SVIL: variants seen among roughly 807,000 people sequenced by gnomAD.
SVIL encodes the protein supervillin.
SVIL carries 101 observed loss-of-function variants against 240.4 expected under a neutral mutation model. The observed-to-expected ratio is 0.42, with a 90% confidence interval of 0.36 to 0.50. The LOEUF (loss-of-function observed/expected upper bound fraction) is 0.50, where lower values mean the gene tolerates loss of function less well. Among genes scored for constraint, SVIL ranks in the 20% least tolerant of loss-of-function variants. SVIL has a pLI of 0.01. For synonymous variants in SVIL, 999 were observed against 1,100.0 expected, an observed-to-expected ratio of 0.91 and a Z score of 1.82; for missense variants, 2,512 against 2,818.7, an observed-to-expected ratio of 0.89 and a Z score of 2.46.
At chr10:29,528,844 CATATT>C (rs752444864) in intron 12 of SVIL, among the ~76,000 whole-genome samples, 94 of 152,014 alleles carry the variant, frequency 6.2e-4, no homozygotes, top group Non-Finnish European at 1.1e-3. Context: ...TATATTGAAA[CATATT>C]ATTCAAAACA....
rs2887232 is a variant in SVIL at position 29,606,840 on chromosome 10, T to A, written c.-201+27580A>T. 1.9e-4 allele frequency among the ~76,000 whole-genome samples: 29 copies of A among 152,184 alleles called. No individual in the cohort carries two copies. In the East Asian group the frequency reaches 2.5e-3, roughly 13 times the overall value. ...CAGGATCTCAGCTCATGGCAACCTC[T>A]GCCTCCTGTGTTCAAGCAGTTCTCC... On this transcript the variant is annotated intron_variant, in intron 1 of 37. Coordinates refer to ENST00000355867, the MANE Select transcript of SVIL (RefSeq NM_021738.3).
chr10:29,728,279 A>T (rs140918000), intron 1 of SVIL, among the ~76,000 whole-genome samples: 1 of 152,358 alleles, frequency 6.6e-6, no homozygotes, highest in East Asian at 1.9e-4. Context: ...GTTATCCAAA[A>T]CAAGCTTATG....
chr10:29,592,301 C>T (rs1956421547), intron 1 of SVIL, among the ~76,000 whole-genome samples: 1 of 152,148 alleles, frequency 6.6e-6, no homozygotes, highest in African/African-American at 2.4e-5. Context: ...AATGTCACTG[C>T]TTTTAAGCAT....
At chr10:29,691,736 G>A (rs1484150020) in intron 1 of SVIL, among the ~76,000 whole-genome samples, 2 of 152,074 alleles carry the variant, frequency 1.3e-5, no homozygotes, top group Non-Finnish European at 1.5e-5. Context: ...GGTTTCCAAG[G>A]ACAACAAACC....
intron 6 of SVIL, among the ~76,000 whole-genome samples, chr10:29,549,175 A>AAC (rs1295909737): frequency 2.8e-4 from 37 of 130,084 alleles, no homozygotes; most frequent in Admixed American, 1.9e-3. Flanking sequence ...TACAAAAAAA[A>AAC]AAACAAACAA....
intron 29 of SVIL, among the ~76,000 whole-genome samples, chr10:29,477,668 G>A (rs1488131731): frequency 6.6e-6 from 1 of 152,260 alleles, no homozygotes; most frequent in African/African-American, 2.4e-5. Flanking sequence ...GTGACTGCAA[G>A]TGCCATCGGG....
chr10:29,518,053 T>C (rs530349723), intron 16 of SVIL, among the ~76,000 whole-genome samples: 1 of 152,316 alleles, frequency 6.6e-6, no homozygotes, highest in South Asian at 2.1e-4. Context: ...TTGCTGGTTA[T>C]GGTTCAAATT....
intron 2 of SVIL, among the ~76,000 whole-genome samples, chr10:29,681,587 A>T (rs1372118689): frequency 6.6e-6 from 1 of 152,166 alleles, no homozygotes; most frequent in Non-Finnish European, 1.5e-5. Context: ...TGCAACTAAA[A>T]TTTCCTTTCC....
At chr10:29,650,649 CA>C (rs1466717640) in intron 3 of SVIL, among the ~76,000 whole-genome samples, 1 of 151,416 alleles carries the variant, frequency 6.6e-6, no homozygotes, top group Non-Finnish European at 1.5e-5. Flanking sequence ...ACTTTCACTA[CA>C]AAAAAAAGCC....
chr10:29,646,710 G>A (rs1958668574), intron 3 of SVIL, among the ~76,000 whole-genome samples: 1 of 152,154 alleles, frequency 6.6e-6, no homozygotes, highest in South Asian at 2.1e-4. Context: ...CTGACAAAGA[G>A]CAAAGTGATT....
In SVIL at chr10:29,550,856, C is replaced by T. The variant is rs187923660; in HGVS notation, c.568G>A (p.Gly190Ser). Residue 190 changes from glycine to serine, a missense_variant, in exon 6 of 38, where the codon GGT becomes AGT. Around this residue, in one of 3 missense-constraint regions of SVIL, gnomAD observed 1,443 missense variants for 1,486.6 expected, o/e 0.97. Coordinates refer to ENST00000355867, the MANE Select transcript of SVIL (RefSeq NM_021738.3). Reference sequence around the variant, plus strand: ...ACCTCCGGGTCGGAAGAGCCGTCACCCACATGGAGGGCATAGTCCTTGGAT... The same window carrying T: ...ACCTCCGGGTCGGAAGAGCCGTCACTCACATGGAGGGCATAGTCCTTGGAT... ...GESKDYALHV[G>S]DGSSDPEVLL... 35 of 1,613,942 alleles carry T rather than the reference C, an allele frequency of 2.2e-5. No homozygotes were observed. Among genetic ancestry groups the T allele is most frequent in the Non-Finnish European group, 2.9e-5 (34 of 1,180,022 alleles).
chr10:29,697,871 C>T (rs1456089625), intron 1 of SVIL: 1 of 403,918 alleles, frequency 2.5e-6, no homozygotes, highest in Non-Finnish European at 4.3e-6. Flanking sequence ...ATGATCAATT[C>T]TTATGTATCG....
rs1255525491 is a variant in SVIL, at chr10:29,576,474, T to G, written c.-200-7162A>C. On this transcript the variant is annotated intron_variant, in intron 1 of 37. Transcript: ENST00000355867. ...ATGTTTGTGGTTTATTGATGATGACTCAGAACATAAAGACTATGGCATTAT... is the reference window on the plus strand; with the variant it reads ...ATGTTTGTGGTTTATTGATGATGACGCAGAACATAAAGACTATGGCATTAT... Among the ~76,000 whole-genome samples the G allele has an allele frequency of 2.3e-4, 35 of 152,316 alleles. 1 individual carries two copies. The highest frequency in any genetic ancestry group is 2.2e-3 in the Admixed American group (34 of 15,294).
At chr10:29,671,601 T>TAC (rs1250539110) in intron 2 of SVIL, among the ~76,000 whole-genome samples, 1 of 152,232 alleles carries the variant, frequency 6.6e-6, no homozygotes, top group Non-Finnish European at 1.5e-5. Context: ...CCTTCCTTGC[T>TAC]ACACTAACCA....
At chr10:29,691,177 T>C (rs1227400573) in intron 1 of SVIL, among the ~76,000 whole-genome samples, 1 of 152,016 alleles carries the variant, frequency 6.6e-6, no homozygotes, top group Non-Finnish European at 1.5e-5. Flanking sequence ...AAATGACCAA[T>C]AATGAACAAT....
At chr10:29,468,087 G>A (rs894602899) in intron 32 of SVIL, among the ~76,000 whole-genome samples, 5 of 152,052 alleles carry the variant, frequency 3.3e-5, no homozygotes, top group Admixed American at 2.0e-4. Flanking sequence ...TTCATCTCCC[G>A]GAAGAAGAAG....
At chr10:29,685,273 A>G (rs1050037763) in intron 2 of SVIL, among the ~76,000 whole-genome samples, 43 of 152,218 alleles carry the variant, frequency 2.8e-4, no homozygotes, top group African/African-American at 1.0e-3. Flanking sequence ...ATGTCTGTGT[A>G]GTATTCCATA....
At chr10:29,558,944 TATA>T (rs1954195054) in intron 3 of SVIL, among the ~76,000 whole-genome samples, 1 of 148,094 alleles carries the variant, frequency 6.8e-6, no homozygotes. Context: ...TATATATATA[TATA>T]AAAAATATGG....
At chr10:29,651,830 A>G (rs927500886) in intron 3 of SVIL, among the ~76,000 whole-genome samples, 1 of 152,150 alleles carries the variant, frequency 6.6e-6, no homozygotes, top group African/African-American at 2.4e-5. Context: ...GGCCCTCTCC[A>G]TAAAACAAAA....
Sources: gnomAD v4.1 joint callset for allele counts (sites outside exome capture counted in the v4.1 genomes callset) on GRCh38, gnomAD v4.1.1 for gene constraint, gnomAD v4.1.1 regional missense constraint, MANE v1.5 for transcripts, NCBI Gene and HGNC (gene_info 2026-07-23, HGNC 2026-07-21) for gene names.